The following EFR3A variants were observed in gnomAD, a reference collection of about 807,000 sequenced individuals.
The protein encoded by EFR3A is protein EFR3 homolog A.
In EFR3A, 76 loss-of-function variants were observed where a neutral mutation model predicts 104.4. That is an observed-to-expected ratio of 0.73 (90% CI 0.60 to 0.88). The LOEUF is 0.88. Ranked by LOEUF, EFR3A falls within the 40% of genes least tolerant of loss-of-function variation. EFR3A has a pLI of 0.00. For missense variants in EFR3A, 985 were observed against 1,012.5 expected, an observed-to-expected ratio of 0.97 and a Z score of 0.37; for synonymous variants, 330 against 330.0, an observed-to-expected ratio of 1.00 and a Z score of 0.00.
chr8:131,991,962 A>G (rs1441701138), intron 18 of EFR3A, among the ~76,000 whole-genome samples: 4 of 152,090 alleles, frequency 2.6e-5, no homozygotes, highest in African/African-American at 4.8e-5. Context: ...AGACAACACT[A>G]TATTTCCTTT....
intron 9 of EFR3A, among the ~76,000 whole-genome samples, chr8:131,970,125 CAGTTA>C (rs1819967027): frequency 1.3e-5 from 2 of 152,112 alleles, no homozygotes; most frequent in South Asian, 2.1e-4. Flanking sequence ...TCTTACCTAG[CAGTTA>C]AGTTAAATAT....
chr8:131,977,025 C>G lies in EFR3A; in HGVS notation c.1275-16C>G. ...ATGCTAATTAGTATAATAATTCAGC[C>G]TTTTGTATATTTTAGGGATTTGGGA... is the stretch of plus-strand genomic sequence containing the variant. On this transcript the variant is annotated splice_polypyrimidine_tract_variant and intron_variant, in intron 11 of 22. Coordinates refer to ENST00000254624, the MANE Select transcript of EFR3A (RefSeq NM_015137.6). 1 of 1,571,514 alleles carries G rather than the reference C, an allele frequency of 6.4e-7. No individual in the cohort carries two copies.
intron 22 of EFR3A, among the ~76,000 whole-genome samples, chr8:132,005,570 C>T (rs915267443): frequency 3.9e-5 from 6 of 151,922 alleles, no homozygotes; most frequent in African/African-American, 7.3e-5. Flanking sequence ...CACACACACA[C>T]GTCAAAGAAT....
chr8:131,924,423 A>T (rs1046471230), intron 1 of EFR3A, among the ~76,000 whole-genome samples: 3 of 152,074 alleles, frequency 2.0e-5, no homozygotes, highest in African/African-American at 7.2e-5. Context: ...TACAGTGCTT[A>T]CAGAGTCCAG....
At chr8:131,933,038 A>G (rs1817690272) in intron 1 of EFR3A, among the ~76,000 whole-genome samples, 1 of 152,192 alleles carries the variant, frequency 6.6e-6, no homozygotes, top group African/African-American at 2.4e-5. Context: ...ATTAAAGAAG[A>G]AAGTCACTGC....
intron 5 of EFR3A, among the ~76,000 whole-genome samples, chr8:131,950,814 T>C (rs1818663765): frequency 6.6e-6 from 1 of 152,152 alleles, no homozygotes; most frequent in Non-Finnish European, 1.5e-5. Context: ...ATGACAACTG[T>C]CTTGGACATT....
At chr8:131,977,622 T>G (rs973379065) in intron 12 of EFR3A, among the ~76,000 whole-genome samples, 1 of 152,170 alleles carries the variant, frequency 6.6e-6, no homozygotes, top group East Asian at 1.9e-4. Context: ...GTACTCATAT[T>G]TGATTCAGCC....
intron 9 of EFR3A, 34 bp from the exon 10 acceptor site, chr8:131,970,442 A>G: frequency 1.3e-6 from 2 of 1,594,952 alleles, no homozygotes; most frequent in Non-Finnish European, 1.7e-6. Flanking sequence ...AATACTAGAA[A>G]CATGTATCTT....
In EFR3A at chr8:131,944,839, G is replaced by C; in HGVS notation, c.182G>C (p.Arg61Thr). The C allele has an allele frequency of 6.2e-7, 1 of 1,610,954 alleles. No homozygotes were observed. The highest frequency in any genetic ancestry group is 8.5e-7 in the Non-Finnish European group (1 of 1,178,384). Residue 61 changes from arginine (R) to threonine (T), a missense_variant, in exon 3 of 23, where the codon AGG becomes ACG. Physicochemically the swap from Arg to Thr is moderately conservative, Grantham distance 71. Coordinates refer to ENST00000254624, the MANE Select transcript of EFR3A (RefSeq NM_015137.6). ...LDRIGSYLAE[R>T]LSRDVVRHRS... Reference sequence around the variant, plus strand: ...CGAATTGGTTCTTACCTGGCAGAAAGGTTGAGCAGGGATGTTGTCAGACAT... The same window carrying C: ...CGAATTGGTTCTTACCTGGCAGAAACGTTGAGCAGGGATGTTGTCAGACAT...
chr8:131,953,798 CTT>C lies in EFR3A; in HGVS notation c.489-6_489-5del, dbSNP rs112472883. Reference sequence around the variant, plus strand: ...AATTTTTTTATGGCTCATTTTCTTCCTTTTTTTTTTTTTTTATAGGATACGAA... The same window carrying C: ...AATTTTTTTATGGCTCATTTTCTTCCTTTTTTTTTTTTTATAGGATACGAA... On this transcript the variant is annotated intron_variant, in intron 5 of 22. Transcript: ENST00000254624. 29,465 of 1,323,574 alleles carry C rather than the reference CTT, an allele frequency of 0.022. 222 individuals carry two copies. Among genetic ancestry groups the C allele is most frequent in the African/African-American group, 0.1 (6,515 of 63,716 alleles). 82.0% of individuals were successfully genotyped at this position (1,323,574 alleles called of 1,614,324 possible).
intron 1 of EFR3A, among the ~76,000 whole-genome samples, chr8:131,936,222 A>G (rs1250646588): frequency 2.0e-5 from 3 of 152,132 alleles, no homozygotes; most frequent in Non-Finnish European, 1.5e-5. Flanking sequence ...CTATATGAGA[A>G]TGATGTTAGG....
At chr8:132,005,843 C>G (rs1029334695) in intron 22 of EFR3A, among the ~76,000 whole-genome samples, 5 of 152,042 alleles carry the variant, frequency 3.3e-5, no homozygotes, top group Admixed American at 1.3e-4. Context: ...ACAACATTCA[C>G]AAAATAGACA....
intron 1 of EFR3A, among the ~76,000 whole-genome samples, chr8:131,918,224 T>C (rs1157940354): frequency 1.3e-5 from 2 of 151,996 alleles, no homozygotes; most frequent in African/African-American, 2.4e-5. Context: ...AAGGTGGAGG[T>C]TGCAGTGAGT....
intron 7 of EFR3A, among the ~76,000 whole-genome samples, chr8:131,958,758 A>G (rs1463272397): frequency 3.3e-5 from 5 of 152,104 alleles, no homozygotes; most frequent in African/African-American, 9.7e-5. Flanking sequence ...CTGAGCTCCA[A>G]TTTTTTCACC....
intron 8 of EFR3A, among the ~76,000 whole-genome samples, chr8:131,960,542 A>G (rs777296710): frequency 6.6e-6 from 1 of 152,194 alleles, no homozygotes; most frequent in Non-Finnish European, 1.5e-5. Flanking sequence ...ATATACTAGA[A>G]TAAGAATTTC....
chr8:131,938,969 T>C (rs1818036160), intron 1 of EFR3A, among the ~76,000 whole-genome samples: 1 of 152,132 alleles, frequency 6.6e-6, no homozygotes, highest in South Asian at 2.1e-4. Context: ...CTGCTATTGA[T>C]ATAGTTATGG....
At chr8:131,910,737 A>G (rs562048882) in intron 1 of EFR3A, among the ~76,000 whole-genome samples, 1 of 152,256 alleles carries the variant, frequency 6.6e-6, no homozygotes, top group East Asian at 1.9e-4. Context: ...ATGAAACCAC[A>G]TTTTACTCAT....
chr8:131,939,032 A>G (rs1291466277), intron 1 of EFR3A, among the ~76,000 whole-genome samples: 3 of 152,136 alleles, frequency 2.0e-5, no homozygotes, highest in Non-Finnish European at 2.9e-5. Context: ...GGCTTACAAC[A>G]AAGATTTTTA....
At chr8:131,983,564 G>C (rs112712867) in intron 14 of EFR3A, among the ~76,000 whole-genome samples, 1 of 151,542 alleles carries the variant, frequency 6.6e-6, no homozygotes, top group African/African-American at 2.4e-5. Context: ...TCTAGTTTAG[G>C]GGAAACCTCT....
Sources: gnomAD v4.1 joint callset for allele counts (sites outside exome capture counted in the v4.1 genomes callset) on GRCh38, gnomAD v4.1.1 for gene constraint, MANE v1.5 for transcripts, NCBI Gene and HGNC (gene_info 2026-07-23, HGNC 2026-07-21) for gene names.